Variants in DTWD2 observed in about 807,000 individuals in gnomAD.
The protein encoded by DTWD2 is tRNA-uridine aminocarboxypropyltransferase 2.
In DTWD2, 39 loss-of-function variants were observed where a neutral mutation model predicts 31.8. The observed-to-expected ratio is 1.22, with a 90% CI of 0.95 to 1.60. The LOEUF (loss-of-function observed/expected upper bound fraction) is 1.60, where lower values mean the gene tolerates loss of function less well. Among genes scored for constraint, DTWD2 ranks in the 40% most tolerant of loss-of-function variants. DTWD2 has a pLI of 0.00. For missense variants in DTWD2, 515 were observed against 381.5 expected (o/e 1.35, Z -2.92); for synonymous variants, 180 against 142.8 (o/e 1.26, Z -1.86).
intron 5 of DTWD2, among the ~76,000 whole-genome samples, chr5:118,846,422 TA>T (rs1334671659): frequency 1.3e-5 from 2 of 152,244 alleles, no homozygotes; most frequent in Non-Finnish European, 2.9e-5. Context: ...ATAAGAGATA[TA>T]AGTCCACAGA....
Position 118,848,092 on chromosome 5 carries a change from C to T in DTWD2, c.724G>A (p.Glu242Lys). The change falls in exon 5 of 6, where the codon GAG (glutamate) becomes AAG (lysine). Residue 242 changes from glutamate to lysine, a missense_variant and splice_region_variant. By Grantham distance (56) the Glu-to-Lys change is moderately conservative (BLOSUM62 1). Coordinates refer to ENST00000510708, the MANE Select transcript of DTWD2 (RefSeq NM_173666.4). ...SILEKNNYIQ[E>K]TLLRPLQALC... ...ACTATAACCTTACAAAGACGTACCT[C>T]TTGTATGTAATTATTTTTCTCCAAG... is the stretch of plus-strand genomic sequence containing the variant. 6.4e-7 allele frequency: 1 copy of T among 1,568,660 alleles called. No individual in the cohort carries two copies. Among genetic ancestry groups the T allele is most frequent in the Non-Finnish European group, 8.6e-7 (1 of 1,162,846 alleles).
intron 1 of DTWD2, among the ~76,000 whole-genome samples, chr5:118,968,736 A>C (rs924897483): frequency 6.6e-6 from 1 of 152,338 alleles, no homozygotes; most frequent in Admixed American, 6.5e-5. Flanking sequence ...GGAATTTTGC[A>C]TACTCTGGCC....
intron 4 of DTWD2, among the ~76,000 whole-genome samples, chr5:118,851,573 G>C: frequency 6.6e-6 from 1 of 151,628 alleles, no homozygotes; most frequent in East Asian, 1.9e-4. Flanking sequence ...CTCCTGATAA[G>C]TGTCTATGTT....
At position 118,940,982 on chromosome 5, in the gene DTWD2, C is replaced by T. The variant is rs140676257; in HGVS notation, c.310-1692G>A. Among the ~76,000 whole-genome samples the T allele has an allele frequency of 5.5e-3, 835 of 152,190 alleles. 12 individuals are homozygous for T. Among genetic ancestry groups the T allele is most frequent in the African/African-American group, 0.019 (790 of 41,538 alleles). ...AAGCTTTCTGTTATTTTTGAGATAG[C>T]TTTTCTATTTTTACCCTTAGGTAAT... On this transcript the variant is annotated intron_variant, in intron 2 of 5. Transcript: ENST00000510708.
At chr5:118,896,726 G>T (rs1238495106) in intron 4 of DTWD2, among the ~76,000 whole-genome samples, 1 of 152,168 alleles carries the variant, frequency 6.6e-6, no homozygotes, top group Non-Finnish European at 1.5e-5. Context: ...TATTTCAGAA[G>T]TATAAGATTA....
intron 4 of DTWD2, among the ~76,000 whole-genome samples, chr5:118,856,042 A>G (rs1752126350): frequency 6.6e-6 from 1 of 152,208 alleles, no homozygotes; most frequent in African/African-American, 2.4e-5. Context: ...TGACACCGTC[A>G]GTATGCTCCT....
intron 1 of DTWD2, among the ~76,000 whole-genome samples, chr5:118,987,746 C>T (rs1755459325): frequency 6.6e-6 from 1 of 152,180 alleles, no homozygotes; most frequent in Non-Finnish European, 1.5e-5. Flanking sequence ...GAAGAAAGGT[C>T]TGAGCTAGAC....
chr5:118,920,409 C>T (rs565494327), intron 4 of DTWD2, among the ~76,000 whole-genome samples: 5 of 151,922 alleles, frequency 3.3e-5, no homozygotes, highest in African/African-American at 4.8e-5. Context: ...GCAAACACAA[C>T]GTACTCTTAA....
chr5:118,853,792 G>C (rs974666950), intron 4 of DTWD2, among the ~76,000 whole-genome samples: 1 of 152,112 alleles, frequency 6.6e-6, no homozygotes, highest in African/African-American at 2.4e-5. Flanking sequence ...TCACTACTTA[G>C]GTGACCCCAA....
In DTWD2 at chr5:118,836,670, A is replaced by T. The variant is rs1751576653; in HGVS notation, c.*4247T>A. ...TCACAGGTTGAAACCTTAATTCCCG[A>T]GGTATAGTATTAGGAAGTGGAACCT... is the stretch of plus-strand genomic sequence containing the variant. On this transcript the variant is annotated 3_prime_UTR_variant, in exon 6 of 6. Transcript: ENST00000510708. Among the ~76,000 whole-genome samples the T allele has an allele frequency of 6.6e-6, 1 of 152,148 alleles. No individual in the cohort carries two copies. The highest frequency in any genetic ancestry group is 2.4e-5 in the African/African-American group (1 of 41,428).
intron 4 of DTWD2, among the ~76,000 whole-genome samples, chr5:118,849,404 G>T (rs377569753): frequency 6.6e-6 from 1 of 152,076 alleles, no homozygotes; most frequent in African/African-American, 2.4e-5. Context: ...CTGGAGAAAT[G>T]GGAACACTTT....
intron 4 of DTWD2, among the ~76,000 whole-genome samples, chr5:118,859,210 A>G (rs1580770655): frequency 6.6e-6 from 1 of 152,098 alleles, no homozygotes; most frequent in Non-Finnish European, 1.5e-5. Context: ...TTGAAGGAAA[A>G]AAAAAAAAAA....
At chr5:118,844,644 GTGA>G (rs1015685079) in intron 5 of DTWD2, among the ~76,000 whole-genome samples, 3 of 152,182 alleles carry the variant, frequency 2.0e-5, no homozygotes, top group Non-Finnish European at 2.9e-5. Context: ...CTTGCAAAAA[GTGA>G]TGATAATAAG....
At chr5:118,920,384 G>T (rs2149574954) in intron 4 of DTWD2, among the ~76,000 whole-genome samples, 1 of 152,024 alleles carries the variant, frequency 6.6e-6, no homozygotes, top group Non-Finnish European at 1.5e-5. Context: ...TATGAACACA[G>T]AAAAACTTTT....
intron 5 of DTWD2, among the ~76,000 whole-genome samples, chr5:118,842,283 A>G (rs1363589580): frequency 6.6e-6 from 1 of 152,208 alleles, no homozygotes; most frequent in Admixed American, 6.5e-5. Flanking sequence ...TATTACATTC[A>G]CTAATGACCC....
rs1284151283 is a variant in DTWD2, at chr5:118,882,306, GCC to G, written c.598-34090_598-34089del. On this transcript the variant is annotated intron_variant, in intron 4 of 5. Transcript: ENST00000510708. ...GGCTTCCAAAGTCTTGCACATCTCAGCCCCTGTGGCTCTGCAGGGCACAGTCC... is the reference window on the plus strand; with the variant it reads ...GGCTTCCAAAGTCTTGCACATCTCAGCCTGTGGCTCTGCAGGGCACAGTCC... Among the ~76,000 whole-genome samples the G allele has an allele frequency of 2.0e-5, 3 of 152,318 alleles. No individual in the cohort carries two copies. The South Asian group carries it at 6.2e-4, about 32-fold the overall frequency.
intron 4 of DTWD2, among the ~76,000 whole-genome samples, chr5:118,871,876 C>G (rs1490617391): frequency 2.6e-5 from 4 of 152,172 alleles, no homozygotes; most frequent in Non-Finnish European, 4.4e-5. Context: ...TGATTTCTCT[C>G]TTGCTATCAA....
chr5:118,851,234 A>AG (rs1751995520), intron 4 of DTWD2, among the ~76,000 whole-genome samples: 2 of 151,434 alleles, frequency 1.3e-5, no homozygotes, highest in Non-Finnish European at 2.9e-5. Context: ...AAAAAAAAAA[A>AG]AAAAGAAAGA....
intron 3 of DTWD2, among the ~76,000 whole-genome samples, chr5:118,930,938 A>G (rs1314121852): frequency 6.6e-6 from 1 of 151,954 alleles, no homozygotes; most frequent in Non-Finnish European, 1.5e-5. Context: ...AAGTGATGAC[A>G]TATTTTAAAT....
Sources: gnomAD v4.1 joint callset for allele counts (sites outside exome capture counted in the v4.1 genomes callset) on GRCh38, gnomAD v4.1.1 for gene constraint, MANE v1.5 for transcripts, NCBI Gene and HGNC (gene_info 2026-07-23, HGNC 2026-07-21) for gene names.